The following GGH variants were observed in gnomAD, a reference collection of about 807,000 sequenced individuals.
GGH encodes the protein gamma-Glu-X carboxypeptidase.
GGH carries 18 observed loss-of-function variants against 39.2 expected under a neutral mutation model. That is an observed-to-expected ratio of 0.46 (90% CI 0.32 to 0.68). The LOEUF (loss-of-function observed/expected upper bound fraction) is 0.68. GGH is among the 30% of genes least tolerant of loss of function. The pLI is 0.04. For missense variants in GGH, 367 were observed against 384.1 expected (o/e 0.96, Z 0.37); for synonymous variants, 147 against 138.8 (o/e 1.06, Z -0.42).
At chr8:63,017,691 A>C in intron 7 of GGH, 61 bp from the exon 8 acceptor site, 1 of 1,025,124 alleles carries the variant, frequency 9.8e-7, no homozygotes, top group Non-Finnish European at 1.4e-6. Context: ...CTTATAATGA[A>C]ATTGGTTTAT....
At chr8:63,035,099 G>A (rs1804881048) in intron 2 of GGH, among the ~76,000 whole-genome samples, 1 of 151,912 alleles carries the variant, frequency 6.6e-6, no homozygotes, top group Non-Finnish European at 1.5e-5. Flanking sequence ...CCTTTTCTGG[G>A]ATAAAGGAAA....
chr8:63,024,653 A>G (rs1430937620), intron 5 of GGH: 1 of 153,788 alleles, frequency 6.5e-6, no homozygotes, highest in Admixed American at 6.5e-5. Context: ...AGAAATTTTG[A>G]CTCAGTAAAC....
chr8:63,027,957 A>G (rs557944533), intron 3 of GGH, among the ~76,000 whole-genome samples: 17 of 152,310 alleles, frequency 1.1e-4, no homozygotes, highest in Admixed American at 1.1e-3. Context: ...TAAACTTTAA[A>G]TTTAAAATTT....
Position 63,017,593 on chromosome 8 carries a change from T to C in GGH, c.735A>G (p.Pro245=). The C allele has an allele frequency of 6.2e-7, 1 of 1,602,298 alleles. No homozygotes were observed. The highest frequency in any genetic ancestry group is 8.6e-7 in the Non-Finnish European group (1 of 1,169,276). Residue 245 remains proline, a synonymous_variant, in exon 8 of 9, where the codon CCA becomes CCG. Transcript: ENST00000260118. Reference sequence around the variant, plus strand: ...TCTTCCACTCATAAGGTGCTTTCTCTGGATGCCACTGGACACCATATACTG... The same window carrying C: ...TCTTCCACTCATAAGGTGCTTTCTCCGGATGCCACTGGACACCATATACTG... ...KYPVYGVQWH[P]EKAPYEWKNL...
chr8:63,031,103 C>T (rs141633426), intron 2 of GGH, among the ~76,000 whole-genome samples: 75 of 152,272 alleles, frequency 4.9e-4, no homozygotes, highest in African/African-American at 1.7e-3. Context: ...AAGAAGTAGA[C>T]TTATGATTAG....
intron 7 of GGH, among the ~76,000 whole-genome samples, chr8:63,018,956 C>T (rs1804537650): frequency 6.6e-6 from 1 of 152,000 alleles, no homozygotes; most frequent in Non-Finnish European, 1.5e-5. Flanking sequence ...GAACAGGATC[C>T]AGTATGAGGC....
rs770378898 is a variant in GGH at position 63,023,308 on chromosome 8, C to T, written c.697+599G>A. Among the ~76,000 whole-genome samples, 11 of 152,256 alleles carry T rather than the reference C, an allele frequency of 7.2e-5. No individual in the cohort carries two copies. The South Asian group carries it at 2.1e-3, about 29-fold the overall frequency. ...GTCCCCCACCCCACTCCCTTAGCCC[C>T]AAAGCTCAGGATGGGCAATTCTCCT... On this transcript the variant is annotated intron_variant, in intron 7 of 8. Transcript: ENST00000260118.
chr8:63,032,741 C>T (rs921227391), intron 2 of GGH, among the ~76,000 whole-genome samples: 1 of 152,210 alleles, frequency 6.6e-6, no homozygotes, highest in African/African-American at 2.4e-5. Context: ...TACAAGATCA[C>T]ATGATTCCAA....
intron 8 of GGH, 190 bp downstream of exon 8, chr8:63,017,303 G>C (rs553955074): frequency 2.1e-6 from 1 of 482,646 alleles, no homozygotes; most frequent in East Asian, 3.4e-5. Flanking sequence ...TAACTGTCCT[G>C]GTTTTATTAG....
intron 4 of GGH, among the ~76,000 whole-genome samples, 162 bp from the exon 5 acceptor site, chr8:63,026,458 C>A (rs1046363764): frequency 2.6e-5 from 4 of 152,222 alleles, no homozygotes; most frequent in Non-Finnish European, 5.9e-5. Context: ...TCTCTTCAGA[C>A]CAAGCTCCCA....
At chr8:63,024,058 C>A (rs1456659333) in intron 6 of GGH, 22 bp downstream of exon 6, 1 of 1,551,498 alleles carries the variant, frequency 6.4e-7, no homozygotes, top group Admixed American at 1.7e-5. Context: ...ATATTAATTT[C>A]ATTGTGTAAT....
rs1358331557 is a variant in GGH, at chr8:63,038,775, CG to C, written c.-8del. 1.4e-5 allele frequency: 20 copies of C among 1,467,130 alleles called. No individual in the cohort carries two copies. Among genetic ancestry groups the C allele is most frequent in the Non-Finnish European group, 1.8e-5 (20 of 1,097,020 alleles). The allele number at this position is 1,467,130 out of a possible 1,614,324, so 90.9% of individuals were successfully genotyped here. On this transcript the variant is annotated 5_prime_UTR_variant, in exon 1 of 9. Coordinates refer to ENST00000260118, the MANE Select transcript of GGH (RefSeq NM_003878.3). Reference sequence around the variant, plus strand: ...GGCAGCCCGGACTGGCCATGGCGCTCGCCGCCTCCCGCCGCCTTTCAAAAGC... The same window carrying C: ...GGCAGCCCGGACTGGCCATGGCGCTCCCGCCTCCCGCCGCCTTTCAAAAGC...
At chr8:63,017,434 T>C (rs1804505035) in intron 8 of GGH, 59 bp downstream of exon 8, 7 of 1,203,142 alleles carry the variant, frequency 5.8e-6, no homozygotes, top group Non-Finnish European at 7.2e-6. Flanking sequence ...AAAGTTCAGA[T>C]AAGGGCAATT....
chr8:63,026,712 C>T (rs1159240907), intron 4 of GGH, among the ~76,000 whole-genome samples: 1 of 152,156 alleles, frequency 6.6e-6, no homozygotes, highest in Non-Finnish European at 1.5e-5. Flanking sequence ...GGTACAAAGG[C>T]AGTCCCACTG....
intron 1 of GGH, among the ~76,000 whole-genome samples, chr8:63,037,194 T>G (rs1026937460): frequency 2.6e-5 from 4 of 151,716 alleles, no homozygotes; most frequent in Admixed American, 2.0e-4. Flanking sequence ...CGCCAAAATT[T>G]GTTCAGTAAA....
intron 7 of GGH, among the ~76,000 whole-genome samples, chr8:63,019,197 G>A (rs971165706): frequency 2.0e-5 from 3 of 152,200 alleles, no homozygotes; most frequent in African/African-American, 7.2e-5. Flanking sequence ...GAAGCCCTCA[G>A]GGCAGACTAT....
intron 3 of GGH, among the ~76,000 whole-genome samples, chr8:63,029,458 T>C (rs1023925930): frequency 1.3e-5 from 2 of 152,182 alleles, no homozygotes; most frequent in Non-Finnish European, 1.5e-5. Context: ...GGGGTGACTG[T>C]CAGACAATAC....
intron 2 of GGH, among the ~76,000 whole-genome samples, chr8:63,032,700 T>C (rs1246777353): frequency 6.6e-6 from 1 of 152,214 alleles, no homozygotes; most frequent in Non-Finnish European, 1.5e-5. Flanking sequence ...GGCTAGTCTA[T>C]GAACTCACCC....
intron 1 of GGH, among the ~76,000 whole-genome samples, chr8:63,036,148 A>G (rs1476636408): frequency 6.6e-6 from 1 of 152,204 alleles, no homozygotes; most frequent in Non-Finnish European, 1.5e-5. Context: ...GAAGCAAAGG[A>G]GTGAAAACAT....
Sources: allele counts gnomAD v4.1 joint callset (sites outside exome capture counted in the v4.1 genomes callset), GRCh38; gene constraint gnomAD v4.1.1; transcripts MANE v1.5; gene names NCBI Gene and HGNC (gene_info 2026-07-23, HGNC 2026-07-21).